SMAP2: variants seen among roughly 807,000 people sequenced by gnomAD.
The protein encoded by SMAP2 is small ArfGAP2, also known as stromal membrane-associated protein 2.
SMAP2 carries 25 observed loss-of-function variants against 56.4 expected under a neutral mutation model. The observed-to-expected ratio is 0.44, with a 90% CI of 0.32 to 0.62. The LOEUF (loss-of-function observed/expected upper bound fraction) is 0.62, where lower values mean the gene tolerates loss of function less well. SMAP2 is among the 20% of genes least tolerant of loss of function. The probability of loss-of-function intolerance (pLI) is 0.04; values close to 1 mark genes in which losing one functional copy is unlikely to be tolerated. For missense variants in SMAP2, 388 were observed against 545.6 expected (o/e 0.71, Z 2.88); for synonymous variants, 157 against 181.7 (o/e 0.86, Z 1.09).
At chr1:40,350,369 C>T (rs572744145) in intron 1 of SMAP2, among the ~76,000 whole-genome samples, 26 of 152,242 alleles carry the variant, frequency 1.7e-4, no homozygotes, top group African/African-American at 5.3e-4. Context: ...ATTAGCAAAG[C>T]GTGCACGAGG....
chr1:40,388,090 G>A (rs1157673818), intron 1 of SMAP2, among the ~76,000 whole-genome samples: 2 of 152,170 alleles, frequency 1.3e-5, no homozygotes, highest in East Asian at 1.9e-4. Context: ...GCCTTCCCAC[G>A]GGGCAGGGCT....
chr1:40,399,956 C>T (rs1644815734), intron 1 of SMAP2, among the ~76,000 whole-genome samples: 1 of 152,112 alleles, frequency 6.6e-6, no homozygotes, highest in Admixed American at 6.5e-5. Flanking sequence ...TTATGCTCTG[C>T]TTTCGTTTGT....
chr1:40,422,406 TCCCTTC>T lies in SMAP2; in HGVS notation c.*308_*313del. 3.1e-6 allele frequency: 1 copy of T among 322,546 alleles called. No individual in the cohort carries two copies. Among genetic ancestry groups the T allele is most frequent in the Non-Finnish European group, 6.1e-6 (1 of 164,298 alleles). 20.0% of individuals were successfully genotyped at this position (322,546 alleles called of 1,614,324 possible). A position where few individuals can be genotyped will look rare whatever the true frequency, so the allele number is the denominator to read the frequency against. On this transcript the variant is annotated 3_prime_UTR_variant, in exon 10 of 10. Transcript: ENST00000372718. ...TGGGAGAAGTGTGCACACCTTTGAG[TCCCTTC>T]CCTCAAGGTTAAAGCTCCTGTCAGA...
intron 1 of SMAP2, among the ~76,000 whole-genome samples, chr1:40,389,877 G>A (rs959161314): frequency 2.6e-5 from 4 of 152,034 alleles, no homozygotes; most frequent in Non-Finnish European, 5.9e-5. Context: ...TCTTACTTGG[G>A]CTCTTTTGAA....
chr1:40,361,730 G>A lies in SMAP2; in HGVS notation c.-82-570G>A, dbSNP rs1171971754. On this transcript the variant is annotated intron_variant, in intron 1 of 6. Coordinates refer to the SMAP2 transcript ENST00000435168. ...GGCCTGGGGCACTGGTGGCCACAGG[G>A]AGAGACTCCTCTGCTTGAGCAAAGG... is the stretch of plus-strand genomic sequence containing the variant. 2.0e-5 allele frequency among the ~76,000 whole-genome samples: 3 copies of A among 152,158 alleles called. No individual in the cohort carries two copies. The East Asian group carries it at 5.8e-4, about 29-fold the overall frequency.
At chr1:40,367,752 G>A (rs1644483760) in intron 2 of SMAP2, among the ~76,000 whole-genome samples, 1 of 147,828 alleles carries the variant, frequency 6.8e-6, no homozygotes, top group African/African-American at 2.5e-5. Context: ...GAGAAAGCAG[G>A]AAAGATCCAA....
intron 1 of SMAP2, chr1:40,393,598 T>A: frequency 1.6e-6 from 2 of 1,221,956 alleles, no homozygotes; most frequent in Non-Finnish European, 2.2e-6. Flanking sequence ...CAGGCTGGAG[T>A]ACAGTGGCTC....
chr1:40,383,749 C>T (rs1644625119), intron 1 of SMAP2, among the ~76,000 whole-genome samples: 1 of 152,150 alleles, frequency 6.6e-6, no homozygotes, highest in African/African-American at 2.4e-5. Context: ...AATAAGTTCC[C>T]ACCCTGTCAA....
At chr1:40,420,780 A>G (rs1283616866) in intron 9 of SMAP2, among the ~76,000 whole-genome samples, 1 of 152,204 alleles carries the variant, frequency 6.6e-6, no homozygotes, top group Admixed American at 6.5e-5. Context: ...GATGAATCCA[A>G]ATTGAGGGGT....
At chr1:40,375,292 G>T (rs1644530808) in intron 1 of SMAP2, among the ~76,000 whole-genome samples, 1 of 152,134 alleles carries the variant, frequency 6.6e-6, no homozygotes, top group African/African-American at 2.4e-5. Flanking sequence ...ATTTACTTTT[G>T]TTCATAATGC....
intron 9 of SMAP2, among the ~76,000 whole-genome samples, chr1:40,419,837 C>T (rs1645025456): frequency 6.6e-6 from 1 of 152,136 alleles, no homozygotes; most frequent in African/African-American, 2.4e-5. Flanking sequence ...TGCATGTGTA[C>T]TGCACATGTG....
At chr1:40,358,402 G>C (rs185858151) in intron 1 of SMAP2, among the ~76,000 whole-genome samples, 1 of 152,110 alleles carries the variant, frequency 6.6e-6, no homozygotes, top group African/African-American at 2.4e-5. Context: ...AAATTAGCTG[G>C]GCGTGGTGGT....
In SMAP2 at chr1:40,376,818, G is replaced by A. The variant is rs184320696; in HGVS notation, c.103+2595G>A. ...AAGTTAACTGTACAGGATATGGTGA[G>A]TGATTGCTCATCTATTAATATCCAG... On this transcript the variant is annotated intron_variant, in intron 1 of 9. Transcript: ENST00000372718. 2.0e-3 allele frequency among the ~76,000 whole-genome samples: 312 copies of A among 152,320 alleles called. 1 individual carries two copies. The highest frequency in any genetic ancestry group is 7.0e-3 in the African/African-American group (292 of 41,568).
chr1:40,407,034 A>G (rs557120745), intron 2 of SMAP2, among the ~76,000 whole-genome samples, 165 bp downstream of exon 2: 124 of 152,366 alleles, frequency 8.1e-4, no homozygotes, highest in African/African-American at 2.9e-3. Flanking sequence ...TATTCTTTCT[A>G]TTTAAGATAC....
intron 9 of SMAP2, among the ~76,000 whole-genome samples, chr1:40,418,090 C>T (rs1259277399): frequency 2.0e-5 from 3 of 152,154 alleles, no homozygotes; most frequent in Non-Finnish European, 4.4e-5. Flanking sequence ...ACACAATCTA[C>T]CAATCTGAAT....
intron 2 of SMAP2, among the ~76,000 whole-genome samples, chr1:40,364,354 C>CT (rs1380743751): frequency 6.6e-6 from 1 of 152,130 alleles, no homozygotes; most frequent in African/African-American, 2.4e-5. Context: ...CTTTGAGAGG[C>CT]TGAGTGGAGA....
At chr1:40,414,119 C>T in intron 5 of SMAP2, 40 bp from the exon 6 acceptor site, 4 of 1,593,904 alleles carry the variant, frequency 2.5e-6, no homozygotes, top group South Asian at 2.2e-5. Flanking sequence ...GAGTTCAAAA[C>T]CACCTGCTTA....
rs1227629517 is a variant in SMAP2, at chr1:40,373,758, A to C, written c.-363A>C. The C allele has an allele frequency of 1.8e-3, 329 of 187,292 alleles. 2 individuals are homozygous for C. Among genetic ancestry groups the C allele is most frequent in the Non-Finnish European group, 3.1e-4 (28 of 89,364 alleles). 11.6% of individuals were successfully genotyped at this position (187,292 alleles called of 1,614,324 possible). Reference sequence around the variant, plus strand: ...GGTAGCGGAGCTGACGGCAGCTGCCAGGGAAACCGAGGCGCGGGACGCAAG... The same window carrying C: ...GGTAGCGGAGCTGACGGCAGCTGCCCGGGAAACCGAGGCGCGGGACGCAAG... On this transcript the variant is annotated 5_prime_UTR_variant, in exon 1 of 10. Transcript: ENST00000372718.
At position 40,374,596 on chromosome 1, in the gene SMAP2, C is replaced by CGTGCGTGT. The variant is rs750226325; in HGVS notation, c.103+376_103+377insCGTGTGTG. The CGTGCGTGT allele has an allele frequency of 8.0e-6, 8 of 1,003,206 alleles. No homozygotes were observed. The highest frequency in any genetic ancestry group is 7.1e-5 in the African/African-American group (4 of 56,118). 62.1% of individuals were successfully genotyped at this position (1,003,206 alleles called of 1,614,324 possible). A position where few individuals can be genotyped will look rare whatever the true frequency, so the allele number is the denominator to read the frequency against. On this transcript the variant is annotated intron_variant, in intron 1 of 9. Coordinates refer to ENST00000372718, the MANE Select transcript of SMAP2 (RefSeq NM_022733.3). The surrounding 1 kb of genome is among the most constrained non-coding windows in gnomAD (Gnocchi z 5.9). ...ACTGCATTGCGTGCGTGCGTGCGTG[C>CGTGCGTGT]GTGTGTGTGTGTGTGTGTGTGTGTG...
Sources: gnomAD v4.1 joint callset for allele counts (sites outside exome capture counted in the v4.1 genomes callset) on GRCh38, gnomAD v4.1.1 for gene constraint, Gnocchi (gnomAD v3.1) non-coding constraint, MANE v1.5 for transcripts, NCBI Gene and HGNC (gene_info 2026-07-23, HGNC 2026-07-21) for gene names.